The following ARHGEF4 variants were observed in gnomAD, a reference collection of about 807,000 sequenced individuals.
The protein encoded by ARHGEF4 is Rho guanine nucleotide exchange factor 4.
Under a neutral mutation model 162.0 loss-of-function variants are expected in ARHGEF4, and 119 were observed. The observed-to-expected ratio is 0.73, with a 90% confidence interval of 0.63 to 0.86. ARHGEF4 has a LOEUF of 0.86. ARHGEF4 is among the 40% of genes least tolerant of loss of function. The pLI, the probability that ARHGEF4 is intolerant of heterozygous loss-of-function variation, is 0.00. For missense variants in ARHGEF4, 2,488 were observed against 2,456.0 expected (o/e 1.01, Z -0.28); for synonymous variants, 1,014 against 979.9 (o/e 1.03, Z -0.65).
chr2:130,969,673 G>A (rs1454170081), intron 4 of ARHGEF4, among the ~76,000 whole-genome samples: 1 of 152,108 alleles, frequency 6.6e-6, no homozygotes, highest in African/African-American at 2.4e-5. Context: ...GTTATATACA[G>A]TAAAAGGCAC....
chr2:130,891,270 G>A (rs952828129), intron 1 of ARHGEF4, among the ~76,000 whole-genome samples: 1 of 152,164 alleles, frequency 6.6e-6, no homozygotes, highest in Non-Finnish European at 1.5e-5. Flanking sequence ...TACAGCTGGG[G>A]TGCAAATATA....
intron 4 of ARHGEF4, among the ~76,000 whole-genome samples, chr2:130,999,532 T>C (rs561388094): frequency 6.6e-6 from 1 of 152,300 alleles, no homozygotes; most frequent in African/African-American, 2.4e-5. Flanking sequence ...TCTCTTTCAG[T>C]CTGTGGCTTT....
At chr2:131,020,999 G>A (rs1250159030) in intron 4 of ARHGEF4, among the ~76,000 whole-genome samples, 2 of 152,152 alleles carry the variant, frequency 1.3e-5, no homozygotes, top group Non-Finnish European at 2.9e-5. Context: ...TTTGAGAAGT[G>A]TCTGTTCATA....
chr2:130,885,564 CTTTTTTTTTTTTTTT>C (rs961513941), intron 1 of ARHGEF4, among the ~76,000 whole-genome samples: 3 of 100,384 alleles, frequency 3.0e-5, no homozygotes, highest in African/African-American at 1.2e-4. Context: ...TTTTCTTATT[CTTTTTTTTTTTTTTT>C]TTTTTTTTTA....
chr2:131,042,076 A>C, intron 10 of ARHGEF4, 132 bp downstream of exon 10: 3 of 1,320,738 alleles, frequency 2.3e-6, no homozygotes, highest in Non-Finnish European at 3.0e-6. Flanking sequence ...ACAGATGCTC[A>C]TGGTGTGAAA....
intron 4 of ARHGEF4, among the ~76,000 whole-genome samples, chr2:130,958,622 C>T (rs1250029990): frequency 6.6e-6 from 1 of 152,034 alleles, no homozygotes; most frequent in African/African-American, 2.4e-5. Context: ...GTTGGCCAGG[C>T]TGGTCTTGAA....
intron 4 of ARHGEF4, among the ~76,000 whole-genome samples, chr2:130,983,381 T>C (rs1290843431): frequency 1.3e-5 from 2 of 152,358 alleles, no homozygotes; most frequent in Non-Finnish European, 2.9e-5. Flanking sequence ...TCAAAAAATT[T>C]GCATGAAGAT....
chr2:131,014,626 T>C (rs1201057472), intron 4 of ARHGEF4, among the ~76,000 whole-genome samples: 1 of 152,230 alleles, frequency 6.6e-6, no homozygotes, highest in African/African-American at 2.4e-5. Flanking sequence ...CCAGACATCA[T>C]GTAATTTGAT....
At chr2:131,006,762 A>G (rs1046844565) in intron 4 of ARHGEF4, among the ~76,000 whole-genome samples, 1 of 152,174 alleles carries the variant, frequency 6.6e-6, no homozygotes, top group Admixed American at 6.5e-5. Context: ...CCACCCACCA[A>G]AGTACCAACA....
intron 10 of ARHGEF4, among the ~76,000 whole-genome samples, chr2:131,042,232 C>T (rs1348689873): frequency 6.6e-6 from 1 of 152,230 alleles, no homozygotes; most frequent in Non-Finnish European, 1.5e-5. Context: ...GTGTGTTCCT[C>T]AGCTGTGTTC....
Position 130,915,362 on chromosome 2 carries a change from AC to A in ARHGEF4, c.1420del (p.Gln474LysfsTer67), listed in dbSNP as rs1308857150. On this transcript the variant is annotated frameshift_variant, in exon 2 of 14. Coordinates refer to ENST00000409359, the MANE Select transcript of ARHGEF4 (RefSeq NM_001367493.1). LOFTEE classifies it high-confidence loss of function. ...EQSPESRTQE[P>X]QGTQLAPRAA... ...AAAGCCCAGAAAGCAGAACCCAGGAACCCCAAGGCACCCAACTCGCACCAAG... is the reference window on the plus strand; with the variant it reads ...AAAGCCCAGAAAGCAGAACCCAGGAACCCAAGGCACCCAACTCGCACCAAG... 6.4e-7 allele frequency: 1 copy of A among 1,550,616 alleles called. No homozygotes were observed. The highest frequency in any genetic ancestry group is 1.2e-5 in the South Asian group (1 of 84,056).
chr2:130,916,295 G>T lies in ARHGEF4; in HGVS notation c.2349G>T (p.Lys783Asn). 6.5e-7 allele frequency: 1 copy of T among 1,539,174 alleles called. No homozygotes were observed. The highest frequency in any genetic ancestry group is 2.2e-4 in the Middle Eastern group (1 of 4,484). ...CCCAGCCGCCACGCGGGCTCCGCAA[G>T]GGCGCGCAGGAGCCTGGGAAGCGCC... ...EPPQPPRGLR[K>N]GAQEPGKRPT... Residue 783 changes from lysine (K) to asparagine (N), a missense_variant, in exon 2 of 14, where the codon AAG becomes AAT. Around this residue, in one of 6 missense-constraint regions of ARHGEF4, gnomAD observed 1,642 missense variants for 1,481.5 expected, o/e 1.11. Transcript: ENST00000409359.
intron 8 of ARHGEF4, 45 bp from the exon 9 acceptor site, chr2:131,041,185 T>C (rs770659131): frequency 6.4e-7 from 1 of 1,561,764 alleles, no homozygotes; most frequent in South Asian, 1.2e-5. Flanking sequence ...GGATTGCCTG[T>C]GGGAGCAGCA....
intron 1 of ARHGEF4, among the ~76,000 whole-genome samples, chr2:130,846,337 C>T (rs1052927924): frequency 3.3e-5 from 5 of 152,224 alleles, no homozygotes; most frequent in African/African-American, 1.2e-4. Flanking sequence ...CAAGAGTCAC[C>T]TCTTCTCGGG....
At chr2:130,901,072 T>C (rs1334810973) in intron 1 of ARHGEF4, among the ~76,000 whole-genome samples, 3 of 152,112 alleles carry the variant, frequency 2.0e-5, no homozygotes, top group Non-Finnish European at 4.4e-5. Context: ...TCCCACTCTG[T>C]CTCTGCCTCT....
intron 4 of ARHGEF4, among the ~76,000 whole-genome samples, chr2:130,992,955 A>G (rs1385852771): frequency 6.6e-6 from 1 of 152,186 alleles, no homozygotes; most frequent in Admixed American, 6.5e-5. Context: ...GTGATTGTGC[A>G]CATCTGTAAT....
At chr2:130,844,140 C>A (rs1056266959) in intron 1 of ARHGEF4, among the ~76,000 whole-genome samples, 2 of 152,266 alleles carry the variant, frequency 1.3e-5, no homozygotes, top group African/African-American at 4.8e-5. Flanking sequence ...TTGCTTCTCC[C>A]GCTGAGCGCA....
intron 4 of ARHGEF4, among the ~76,000 whole-genome samples, chr2:131,001,793 A>C (rs1687788372): frequency 6.6e-6 from 1 of 152,230 alleles, no homozygotes; most frequent in Non-Finnish European, 1.5e-5. Context: ...AGACACAAAT[A>C]ATAGTACATA....
chr2:130,926,078 G>T (rs6430428), intron 2 of ARHGEF4, among the ~76,000 whole-genome samples: 7 of 135,836 alleles, frequency 5.2e-5, no homozygotes, highest in Admixed American at 7.2e-5. Context: ...TTCTTTCTTT[G>T]GTCTGTTTTC....
Sources: allele counts gnomAD v4.1 joint callset (sites outside exome capture counted in the v4.1 genomes callset), GRCh38; gene constraint gnomAD v4.1.1; regional missense constraint gnomAD v4.1.1; transcripts MANE v1.5; gene names NCBI Gene and HGNC (gene_info 2026-07-23, HGNC 2026-07-21).